The following ACCSL variants were observed in gnomAD, a reference collection of about 807,000 sequenced individuals.
ACCSL encodes the protein probable inactive 1-aminocyclopropane-1-carboxylate synthase-like protein 2.
In ACCSL, 55 loss-of-function variants were observed where a neutral mutation model predicts 61.7. The observed-to-expected ratio is 0.89, with a 90% CI of 0.72 to 1.12. The LOEUF is 1.12. Among genes scored for constraint, ACCSL ranks in the 50% most tolerant of loss-of-function variants. The pLI is 0.00. For missense variants in ACCSL, 632 were observed against 698.0 expected (o/e 0.91, Z 1.07); for synonymous variants, 258 against 264.3 (o/e 0.98, Z 0.23).
At chr11:43,954,967 A>G in the ACCSL span, among the ~76,000 whole-genome samples, 280 of 152,336 alleles carry the variant, frequency 1.8e-3, 2 homozygotes, top group African/African-American at 5.9e-3. Flanking sequence ...GCAAGCTTCC[A>G]GCTTGCTTAT....
chr11:44,057,231 T>C (rs917658182), intron 11 of ACCSL, among the ~76,000 whole-genome samples: 1 of 152,252 alleles, frequency 6.6e-6, no homozygotes, highest in Non-Finnish European at 1.5e-5. Flanking sequence ...AGACTCACTT[T>C]CTTTAGTTCC....
chr11:43,968,166 C>G, the ACCSL span, among the ~76,000 whole-genome samples: 1 of 152,096 alleles, frequency 6.6e-6, no homozygotes, highest in African/African-American at 2.4e-5. Context: ...ATAGGACACC[C>G]CCACAACAAA....
At chr11:43,940,021 G>A in the ACCSL span, among the ~76,000 whole-genome samples, 5 of 152,126 alleles carry the variant, frequency 3.3e-5, no homozygotes, top group Non-Finnish European at 7.4e-5. Context: ...CATCTCCATT[G>A]CCTCTACCCT....
chr11:43,980,336 T>C, the ACCSL span, among the ~76,000 whole-genome samples: 4 of 152,248 alleles, frequency 2.6e-5, no homozygotes, highest in Admixed American at 1.3e-4. Context: ...TGAATTTGAA[T>C]GAGCACTACC....
At chr11:43,928,349 C>A in the ACCSL span, among the ~76,000 whole-genome samples, 1 of 152,146 alleles carries the variant, frequency 6.6e-6, no homozygotes, top group Non-Finnish European at 1.5e-5. Flanking sequence ...ACCCCTTCTT[C>A]CCATGAGTGC....
the ACCSL span, among the ~76,000 whole-genome samples, chr11:44,011,800 G>T: frequency 6.6e-6 from 1 of 152,122 alleles, no homozygotes; most frequent in Non-Finnish European, 1.5e-5. Flanking sequence ...GGGGGCGTGT[G>T]TGTGTGTGTA....
the ACCSL span, among the ~76,000 whole-genome samples, chr11:44,004,209 G>A: frequency 4.1e-4 from 63 of 152,060 alleles, no homozygotes; most frequent in African/African-American, 1.4e-3. Flanking sequence ...GATGTGTCCC[G>A]GGCATCTAGA....
At chr11:43,949,250 C>T in the ACCSL span, among the ~76,000 whole-genome samples, 1 of 152,200 alleles carries the variant, frequency 6.6e-6, no homozygotes, top group Non-Finnish European at 1.5e-5. Context: ...GCCTTCTTGG[C>T]ACAGGGGAGG....
chr11:43,931,905 T>C, the ACCSL span, among the ~76,000 whole-genome samples: 1 of 152,094 alleles, frequency 6.6e-6, no homozygotes. Context: ...GCCCCAAACC[T>C]GTCCTAAAAG....
At position 44,056,038 on chromosome 11, in the gene ACCSL, A is replaced by G; in HGVS notation, c.1140-2A>G. The G allele has an allele frequency of 6.2e-7, 1 of 1,614,188 alleles. No homozygotes were observed. Among genetic ancestry groups the G allele is most frequent in the East Asian group, 2.2e-5 (1 of 44,888 alleles). ...TAGTTAATTTTTCCACTTCTTCTTC[A>G]GTTTGCCTGATAGCAACAGGACCCA... is the stretch of plus-strand genomic sequence containing the variant. On this transcript the variant is annotated splice_acceptor_variant, in intron 9 of 13. Coordinates refer to ENST00000378832, the MANE Select transcript of ACCSL (RefSeq NM_001031854.2). LOFTEE classifies it high-confidence loss of function.
chr11:43,963,351 G>C, the ACCSL span, among the ~76,000 whole-genome samples: 43 of 152,238 alleles, frequency 2.8e-4, no homozygotes, highest in African/African-American at 1.0e-3. Context: ...GGTTTACCCA[G>C]TGACAAGCTT....
the ACCSL span, among the ~76,000 whole-genome samples, chr11:43,948,191 G>A: frequency 4.9e-3 from 743 of 152,310 alleles, 2 homozygotes; most frequent in Admixed American, 7.1e-3. Context: ...GGGCTCTAGA[G>A]GGAAGGGCTG....
chr11:43,968,269 T>G, the ACCSL span, among the ~76,000 whole-genome samples: 1 of 152,024 alleles, frequency 6.6e-6, no homozygotes, highest in Non-Finnish European at 1.5e-5. Context: ...TTGCTAGAGG[T>G]TTTTTGAAAT....
chr11:43,956,262 G>A, the ACCSL span, among the ~76,000 whole-genome samples: 3 of 152,138 alleles, frequency 2.0e-5, no homozygotes, highest in Non-Finnish European at 2.9e-5. Context: ...TGTGGGCTAC[G>A]GTTGGTTTAC....
At chr11:44,050,666 C>T in intron 3 of ACCSL, 44 bp downstream of exon 3, 2 of 1,580,884 alleles carry the variant, frequency 1.3e-6, no homozygotes, top group South Asian at 2.2e-5. Context: ...CCACAGGCAG[C>T]TGTCCTTATC....
At chr11:43,978,784 T>C in the ACCSL span, among the ~76,000 whole-genome samples, 1 of 5,832 alleles carries the variant, frequency 1.7e-4, no homozygotes, top group Non-Finnish European at 4.2e-4. Context: ...AGAAGGTGGG[T>C]TTTTTTTTTT....
the ACCSL span, among the ~76,000 whole-genome samples, chr11:44,035,183 C>G: frequency 4.6e-5 from 7 of 152,078 alleles, no homozygotes; most frequent in African/African-American, 1.4e-4. Context: ...GTTTTCTTCA[C>G]AGCACTTACC....
At chr11:43,936,238 G>A in the ACCSL span, among the ~76,000 whole-genome samples, 2 of 152,144 alleles carry the variant, frequency 1.3e-5, no homozygotes, top group Non-Finnish European at 2.9e-5. Context: ...GCGTTGCTCG[G>A]GCTGGCTTCC....
chr11:44,004,057 A>G, the ACCSL span, among the ~76,000 whole-genome samples: 1 of 151,968 alleles, frequency 6.6e-6, no homozygotes, highest in Non-Finnish European at 1.5e-5. Context: ...GCCCAGAATG[A>G]GGTATCTGGG....
Sources: gnomAD v4.1 joint callset for allele counts (sites outside exome capture counted in the v4.1 genomes callset) on GRCh38, gnomAD v4.1.1 for gene constraint, MANE v1.5 for transcripts, NCBI Gene and HGNC (gene_info 2026-07-23, HGNC 2026-07-21) for gene names.